Variants in FUT8 observed in about 807,000 individuals in gnomAD.
FUT8 encodes the protein alpha-(1,6)-fucosyltransferase.
In FUT8, 29 loss-of-function variants were observed where a neutral mutation model predicts 71.3. The ratio of observed to expected loss-of-function variants is 0.41; its 90% CI spans 0.30 to 0.55. The LOEUF (loss-of-function observed/expected upper bound fraction) is 0.55, where lower values mean the gene tolerates loss of function less well. Among genes scored for constraint, FUT8 ranks in the 20% least tolerant of loss-of-function variants. The pLI, the probability that FUT8 is intolerant of heterozygous loss-of-function variation, is 0.34. For synonymous variants in FUT8, 254 were observed against 239.3 expected (o/e 1.06, Z -0.57); for missense variants, 544 against 702.1 (o/e 0.77, Z 2.55).
At chr14:65,554,892 T>C (rs998653793) in intron 2 of FUT8, among the ~76,000 whole-genome samples, 6 of 152,328 alleles carry the variant, frequency 3.9e-5, no homozygotes, top group Admixed American at 2.6e-4. Flanking sequence ...TATTTTCTTA[T>C]CTTTCTTTGA....
chr14:65,657,955 A>G (rs1891768286), intron 6 of FUT8, among the ~76,000 whole-genome samples: 1 of 152,134 alleles, frequency 6.6e-6, no homozygotes, highest in Admixed American at 6.5e-5. Flanking sequence ...AAAAAATTAA[A>G]AATTAAAGAA....
chr14:65,728,524 C>T (rs1056713013), intron 9 of FUT8, among the ~76,000 whole-genome samples: 9 of 152,110 alleles, frequency 5.9e-5, no homozygotes, highest in African/African-American at 1.9e-4. Flanking sequence ...ATATCATTAC[C>T]GAATCAAGGA....
At chr14:65,556,103 A>G (rs1263199353) in intron 2 of FUT8, among the ~76,000 whole-genome samples, 3 of 152,214 alleles carry the variant, frequency 2.0e-5, no homozygotes, top group Non-Finnish European at 4.4e-5. Context: ...TTAACCTACT[A>G]GAGGAGGTAG....
intron 7 of FUT8, among the ~76,000 whole-genome samples, chr14:65,718,445 A>T (rs1480461057): frequency 6.6e-6 from 1 of 152,132 alleles, no homozygotes; most frequent in Non-Finnish European, 1.5e-5. Flanking sequence ...GAAAAGTTGT[A>T]GTTATTTTTG....
the FUT8 span, among the ~76,000 whole-genome samples, chr14:65,359,072 T>G: frequency 1.3e-4 from 20 of 152,330 alleles, no homozygotes; most frequent in South Asian, 4.1e-3. Flanking sequence ...GAACTGTTTT[T>G]TTTCCTATTA....
upstream of FUT8, among the ~76,000 whole-genome samples, chr14:65,410,070 A>G (rs1055171188): frequency 2.0e-5 from 3 of 152,218 alleles, no homozygotes; most frequent in Non-Finnish European, 4.4e-5. Context: ...TTTGACACAG[A>G]TACTTTCTGA....
chr14:65,362,075 T>G, the FUT8 span, among the ~76,000 whole-genome samples: 1 of 152,246 alleles, frequency 6.6e-6, no homozygotes, highest in Non-Finnish European at 1.5e-5. Context: ...ACTCTGAAGC[T>G]CTTTGTCAGT....
chr14:65,358,475 T>A, the FUT8 span, among the ~76,000 whole-genome samples: 1 of 152,154 alleles, frequency 6.6e-6, no homozygotes, highest in Non-Finnish European at 1.5e-5. Context: ...TACATTATTA[T>A]TATTATTATC....
At chr14:65,529,036 A>G (rs1428338981) in intron 2 of FUT8, 1 of 160,724 alleles carries the variant, frequency 6.2e-6, no homozygotes, top group Non-Finnish European at 1.5e-5. Flanking sequence ...CAACCAGTAT[A>G]ATGTCTGAGG....
At chr14:65,731,586 G>C (rs764435634) in intron 9 of FUT8, among the ~76,000 whole-genome samples, 2 of 152,058 alleles carry the variant, frequency 1.3e-5, no homozygotes, top group African/African-American at 2.4e-5. Flanking sequence ...TTACACTTAG[G>C]TATCCTTTAT....
intron 1 of FUT8, among the ~76,000 whole-genome samples, chr14:65,430,688 A>G (rs2065459507): frequency 6.6e-6 from 1 of 152,234 alleles, no homozygotes; most frequent in South Asian, 2.1e-4. Context: ...ACAGAGCATG[A>G]GAGCAAGACT....
At chr14:65,453,710 TC>T (rs778539708) in intron 1 of FUT8, among the ~76,000 whole-genome samples, 2 of 152,206 alleles carry the variant, frequency 1.3e-5, no homozygotes, top group Non-Finnish European at 2.9e-5. Flanking sequence ...ATATTATAGC[TC>T]CTGGAGGATG....
At chr14:65,459,445 TTC>T (rs1420860983) in intron 2 of FUT8, among the ~76,000 whole-genome samples, 9 of 152,322 alleles carry the variant, frequency 5.9e-5, no homozygotes, top group African/African-American at 2.2e-4. Flanking sequence ...AAAATTGAGA[TTC>T]TGTCTTGTAC....
chr14:65,690,737 T>C (rs1893537191), intron 7 of FUT8, among the ~76,000 whole-genome samples: 1 of 152,022 alleles, frequency 6.6e-6, no homozygotes, highest in African/African-American at 2.4e-5. Flanking sequence ...TTTTTTTTTT[T>C]TTTTGAAACA....
chr14:65,380,393 A>G, the FUT8 span, among the ~76,000 whole-genome samples: 1 of 152,244 alleles, frequency 6.6e-6, no homozygotes, highest in East Asian at 1.9e-4. Flanking sequence ...GGGTGGGGAC[A>G]CAGCCAAACT....
At position 65,421,495 on chromosome 14, in the gene FUT8, C is replaced by T. The variant is rs114721986; in HGVS notation, c.-326+8281C>T. 6.9e-3 allele frequency among the ~76,000 whole-genome samples: 1,046 copies of T among 152,106 alleles called. 10 individuals carry two copies. The highest frequency in any genetic ancestry group is 0.024 in the African/African-American group (994 of 41,480). On this transcript the variant is annotated intron_variant, in intron 1 of 10. Coordinates refer to ENST00000673929, the MANE Select transcript of FUT8 (RefSeq NM_001371533.1). ...CATATGGTACCAATCCTTCTTCCAC[C>T]GTTTGCTTTAGTTTCAGTGCCCATA...
intron 3 of FUT8, among the ~76,000 whole-genome samples, chr14:65,610,832 C>T (rs1594814610): frequency 6.6e-6 from 1 of 151,744 alleles, no homozygotes; most frequent in Admixed American, 6.6e-5. Context: ...TTTTTTAATG[C>T]TAAGCCAATC....
At chr14:65,570,517 A>G (rs190130959) in intron 3 of FUT8, among the ~76,000 whole-genome samples, 35 of 151,940 alleles carry the variant, frequency 2.3e-4, no homozygotes, top group Non-Finnish European at 4.1e-4. Context: ...ATATACTCCT[A>G]CATATACTCT....
intron 6 of FUT8, among the ~76,000 whole-genome samples, chr14:65,667,463 C>T (rs1892273248): frequency 6.6e-6 from 1 of 152,062 alleles, no homozygotes; most frequent in African/African-American, 2.4e-5. Flanking sequence ...ATACTGCTAA[C>T]TAGGGAGGTG....
Sources: gnomAD v4.1 joint callset for allele counts (sites outside exome capture counted in the v4.1 genomes callset) on GRCh38, gnomAD v4.1.1 for gene constraint, MANE v1.5 for transcripts, NCBI Gene and HGNC (gene_info 2026-07-23, HGNC 2026-07-21) for gene names.